DYNC2I1: variants seen among roughly 807,000 people sequenced by gnomAD.
DYNC2I1 encodes cytoplasmic dynein 2 intermediate chain 1.
A neutral mutation model predicts 133.4 loss-of-function variants in DYNC2I1; 89 were observed. The observed-to-expected ratio is 0.67, with a 90% CI of 0.56 to 0.80. DYNC2I1 has a LOEUF of 0.80. Ranked by LOEUF, DYNC2I1 falls within the 30% of genes least tolerant of loss-of-function variation. DYNC2I1 has a pLI of 0.00. For synonymous variants in DYNC2I1, 504 were observed against 484.3 expected, an observed-to-expected ratio of 1.04 and a Z score of -0.54; for missense variants, 1,291 against 1,314.5, an observed-to-expected ratio of 0.98 and a Z score of 0.28.
At chr7:158,908,329 G>T (rs1847048531) in intron 11 of DYNC2I1, among the ~76,000 whole-genome samples, 1 of 151,884 alleles carries the variant, frequency 6.6e-6, no homozygotes, top group African/African-American at 2.4e-5. Context: ...TTATTTCAGT[G>T]ATAAGAAAGG....
intron 11 of DYNC2I1, among the ~76,000 whole-genome samples, chr7:158,909,332 A>C: frequency 1.1e-5 from 1 of 92,026 alleles, no homozygotes; most frequent in African/African-American, 6.3e-5. Flanking sequence ...CTCTGTCTCA[A>C]AAAAAAAAAA....
chr7:158,910,053 C>G (rs1175704642), intron 11 of DYNC2I1, among the ~76,000 whole-genome samples: 1 of 152,162 alleles, frequency 6.6e-6, no homozygotes, highest in Non-Finnish European at 1.5e-5. Flanking sequence ...TCATTGAGCA[C>G]CGGCTGTGTG....
At chr7:158,869,628 G>T in intron 1 of DYNC2I1, 1 of 546,902 alleles carries the variant, frequency 1.8e-6, no homozygotes, top group Non-Finnish European at 3.4e-6. Context: ...TTTAAGTTTT[G>T]AAGTAGCCAA....
chr7:158,884,471 G>T, intron 5 of DYNC2I1, 93 bp from the exon 6 acceptor site: 7 of 1,195,522 alleles, frequency 5.9e-6, no homozygotes, highest in South Asian at 1.6e-5. Context: ...GTTAAATTTT[G>T]AATCTGTGCT....
intron 1 of DYNC2I1, 129 bp downstream of exon 1, chr7:158,856,879 G>A: frequency 1.0e-5 from 11 of 1,104,904 alleles, no homozygotes; most frequent in Non-Finnish European, 1.3e-5. Flanking sequence ...GCTTCCCGGA[G>A]GAGCCGCGGT....
intron 11 of DYNC2I1, among the ~76,000 whole-genome samples, chr7:158,908,470 T>G (rs1281546334): frequency 4.6e-5 from 7 of 152,206 alleles, no homozygotes; most frequent in African/African-American, 1.7e-4. Context: ...GGAAAATATA[T>G]TTGTAAAATA....
At chr7:158,920,904 G>A (rs1300855772) in intron 15 of DYNC2I1, among the ~76,000 whole-genome samples, 1 of 152,124 alleles carries the variant, frequency 6.6e-6, no homozygotes, top group Non-Finnish European at 1.5e-5. Flanking sequence ...GCGGCAGAAT[G>A]ACACAGCCAG....
At chr7:158,873,866 C>T (rs934697609) in intron 3 of DYNC2I1, among the ~76,000 whole-genome samples, 5 of 151,882 alleles carry the variant, frequency 3.3e-5, no homozygotes, top group Admixed American at 1.3e-4. Context: ...AAGTGATTCC[C>T]GTGCCTCAGC....
Position 158,930,481 on chromosome 7 carries a change from C to A in DYNC2I1, c.2512C>A (p.Leu838Met). Residue 838 changes from leucine (L) to methionine (M), a missense_variant, in exon 21 of 25, where the codon CTG becomes ATG. Coordinates refer to ENST00000407559, the MANE Select transcript of DYNC2I1 (RefSeq NM_018051.5). Reference sequence around the variant, plus strand: ...TCTGATGCCTGGAGGGAGGGTCAAGCTGGTACATAGTGCTCTGATCCAGTT... The same window carrying A: ...TCTGATGCCTGGAGGGAGGGTCAAGATGGTACATAGTGCTCTGATCCAGTT... ...LGLMPGGRVK[L>M]VHSALIQLGD... 6.2e-7 allele frequency: 1 copy of A among 1,613,052 alleles called. No individual in the cohort carries two copies. Among genetic ancestry groups the A allele is most frequent in the Non-Finnish European group, 8.5e-7 (1 of 1,179,592 alleles).
At chr7:158,937,352 C>G (rs145684517) in intron 23 of DYNC2I1, among the ~76,000 whole-genome samples, 4 of 152,138 alleles carry the variant, frequency 2.6e-5, no homozygotes, top group African/African-American at 9.7e-5. Context: ...CAATGCTGGG[C>G]GCGGTGGCTC....
chr7:158,861,128 G>A (rs1841837789), intron 1 of DYNC2I1, among the ~76,000 whole-genome samples: 2 of 152,196 alleles, frequency 1.3e-5, no homozygotes, highest in African/African-American at 4.8e-5. Flanking sequence ...GCCAACACCT[G>A]GGGATAGGTC....
intron 20 of DYNC2I1, among the ~76,000 whole-genome samples, chr7:158,929,758 A>G (rs1005868688): frequency 6.6e-6 from 1 of 152,212 alleles, no homozygotes; most frequent in Non-Finnish European, 1.5e-5. Flanking sequence ...ATAGATTTCT[A>G]GTTTTTCCCC....
chr7:158,901,857 T>C, intron 9 of DYNC2I1, 41 bp downstream of exon 9: 1 of 1,407,982 alleles, frequency 7.1e-7, no homozygotes, highest in Non-Finnish European at 9.6e-7. Flanking sequence ...TTAAAAATCA[T>C]TTATTCTTAA....
Position 158,934,140 on chromosome 7 carries a change from A to C in DYNC2I1, c.2558A>C (p.Lys853Thr). 6.2e-7 allele frequency: 1 copy of C among 1,609,522 alleles called. No homozygotes were observed. The highest frequency in any genetic ancestry group is 8.5e-7 in the Non-Finnish European group (1 of 1,178,576). Residue 853 changes from lysine (K) to threonine (T), a missense_variant, in exon 22 of 25, where the codon AAA becomes ACA. Lys to Thr is a moderately conservative substitution (Grantham distance 78, BLOSUM62 -1). Transcript: ENST00000407559. ...CTTTATTTTTTCAGTCTTTCCCATA[A>C]AGGTAATGAATTTTGGGGCACTACA... ...LIQLGDSLSH[K>T]GNEFWGTTQT...
chr7:158,911,492 A>T (rs1400167603), intron 11 of DYNC2I1, 58 bp from the exon 12 acceptor site: 3 of 1,575,188 alleles, frequency 1.9e-6, no homozygotes, highest in Non-Finnish European at 1.7e-6. Context: ...TTCTCCCTAC[A>T]CTTCCCCACG....
chr7:158,880,018 G>T, intron 5 of DYNC2I1, 29 bp downstream of exon 5: 1 of 1,552,416 alleles, frequency 6.4e-7, no homozygotes, highest in Non-Finnish European at 8.7e-7. Flanking sequence ...CGTTGCCTTA[G>T]CAGCCGCCCC....
At chr7:158,920,914 G>A (rs1373499398) in intron 15 of DYNC2I1, among the ~76,000 whole-genome samples, 1 of 152,110 alleles carries the variant, frequency 6.6e-6, no homozygotes, top group Non-Finnish European at 1.5e-5. Context: ...GACACAGCCA[G>A]CGGGTCGTCC....
the DYNC2I1 span, among the ~76,000 whole-genome samples, chr7:158,840,355 C>T: frequency 1.3e-5 from 2 of 152,286 alleles, no homozygotes; most frequent in South Asian, 4.1e-4. Context: ...CCGTCGAAGT[C>T]GGGAGTTCAA....
At chr7:158,940,295 A>C (rs1245953179) in intron 23 of DYNC2I1, among the ~76,000 whole-genome samples, 2 of 152,102 alleles carry the variant, frequency 1.3e-5, no homozygotes, top group African/African-American at 4.8e-5. Flanking sequence ...GATCCCTCGC[A>C]TACACAGTTC....
Sources: allele counts gnomAD v4.1 joint callset (sites outside exome capture counted in the v4.1 genomes callset), GRCh38; gene constraint gnomAD v4.1.1; transcripts MANE v1.5; gene names NCBI Gene and HGNC (gene_info 2026-07-23, HGNC 2026-07-21).